The following TBC1D8 variants were observed in gnomAD, a reference collection of about 807,000 sequenced individuals.
TBC1D8 encodes the protein BUB2-like protein 1.
In TBC1D8, 65 loss-of-function variants were observed where a neutral mutation model predicts 118.8. That is an observed-to-expected ratio of 0.55 (90% confidence interval 0.45 to 0.67). The LOEUF (loss-of-function observed/expected upper bound fraction) is 0.67, where lower values mean the gene tolerates loss of function less well. Among genes scored for constraint, TBC1D8 ranks in the 30% least tolerant of loss-of-function variants. The probability of loss-of-function intolerance (pLI) is 0.00; values close to 1 mark genes in which losing one functional copy is unlikely to be tolerated. For missense variants in TBC1D8, 1,376 were observed against 1,471.2 expected, an observed-to-expected ratio of 0.94 and a Z score of 1.06; for synonymous variants, 566 against 595.8, an observed-to-expected ratio of 0.95 and a Z score of 0.73.
At chr2:101,115,968 A>C (rs568345576) in intron 1 of TBC1D8, among the ~76,000 whole-genome samples, 26 of 152,354 alleles carry the variant, frequency 1.7e-4, no homozygotes, top group Non-Finnish European at 2.9e-4. Flanking sequence ...GGATTCCAGG[A>C]GACCAGCAAC....
intron 19 of TBC1D8, among the ~76,000 whole-genome samples, chr2:101,008,746 A>G (rs948608698): frequency 3.3e-5 from 5 of 152,048 alleles, no homozygotes; most frequent in African/African-American, 9.6e-5. Flanking sequence ...CAGGAGGCAA[A>G]GGTTGTGGTA....
intron 15 of TBC1D8, 146 bp downstream of exon 15, chr2:101,027,237 G>T: frequency 1.6e-6 from 1 of 644,060 alleles, no homozygotes; most frequent in Non-Finnish European, 2.7e-6. Context: ...CAGGTAGGCA[G>T]GCTAAGACAG....
At chr2:101,129,121 G>A (rs1341799551) in intron 1 of TBC1D8, among the ~76,000 whole-genome samples, 1 of 152,084 alleles carries the variant, frequency 6.6e-6, no homozygotes, top group East Asian at 1.9e-4. Flanking sequence ...CACAGTTTTT[G>A]TGTGTGTGTT....
chr2:101,047,122 T>C (rs6543007), intron 5 of TBC1D8, among the ~76,000 whole-genome samples: 79,889 of 152,082 alleles, frequency 0.53, 22,058 homozygotes, highest in Middle Eastern at 0.75. Flanking sequence ...TCTGCCCTCT[T>C]GGACTCCGAG....
intron 16 of TBC1D8, 69 bp from the exon 17 acceptor site, chr2:101,021,815 CTG>C: frequency 9.8e-7 from 1 of 1,024,202 alleles, no homozygotes; most frequent in Non-Finnish European, 1.5e-6. Context: ...CACAAACTCA[CTG>C]TGGAGAGAAC....
intron 2 of TBC1D8, among the ~76,000 whole-genome samples, chr2:101,076,316 A>C (rs762979375): frequency 7.2e-5 from 11 of 152,226 alleles, no homozygotes; most frequent in Non-Finnish European, 1.3e-4. Context: ...ACGGAAAAAA[A>C]CCTTTGACGA....
Position 101,007,887 on chromosome 2 carries a change from C to CTGAT in TBC1D8, c.3398_3401dup (p.Tyr1135SerfsTer8), listed in dbSNP as rs1558961554. ...TCATTTCAAAAGTTTTGAGATTGTA[C>CTGAT]TGATTGATCTTGGCATTTTCAAGTT... On this transcript the variant is annotated frameshift_variant, in exon 20 of 20. Coordinates refer to ENST00000409318, the MANE Select transcript of TBC1D8 (RefSeq NM_001330348.2). LOFTEE classifies it high-confidence loss of function. The CTGAT allele has an allele frequency of 7.4e-6, 12 of 1,613,986 alleles. No homozygotes were observed. Among genetic ancestry groups the CTGAT allele is most frequent in the South Asian group, 3.3e-5 (3 of 91,080 alleles).
intron 1 of TBC1D8, among the ~76,000 whole-genome samples, chr2:101,139,638 A>C (rs1315769691): frequency 6.6e-6 from 1 of 152,032 alleles, no homozygotes; most frequent in Non-Finnish European, 1.5e-5. Context: ...GACAAGTCCC[A>C]GGTATCCCAC....
At chr2:101,097,076 G>C (rs1038186431) in intron 1 of TBC1D8, among the ~76,000 whole-genome samples, 1 of 152,038 alleles carries the variant, frequency 6.6e-6, no homozygotes, top group African/African-American at 2.4e-5. Context: ...TCTAAAAGAA[G>C]CCATAGGGGG....
intron 10 of TBC1D8, 95 bp downstream of exon 10, chr2:101,033,449 G>C: frequency 6.8e-7 from 1 of 1,470,994 alleles, no homozygotes; most frequent in South Asian, 1.2e-5. Context: ...ACAACACTCA[G>C]GACCAGATGA....
intron 1 of TBC1D8, among the ~76,000 whole-genome samples, chr2:101,093,036 G>A (rs1416067763): frequency 2.6e-5 from 4 of 152,140 alleles, no homozygotes; most frequent in Admixed American, 1.3e-4. Context: ...TCAACATGAA[G>A]ATGATGATGA....
intron 1 of TBC1D8, among the ~76,000 whole-genome samples, chr2:101,115,365 G>A (rs913528933): frequency 6.6e-6 from 1 of 152,194 alleles, no homozygotes; most frequent in Non-Finnish European, 1.5e-5. Flanking sequence ...ACTCATGGAC[G>A]TCTCTTTATT....
chr2:101,035,913 A>C (rs2105394191), intron 9 of TBC1D8, 105 bp downstream of exon 9: 2 of 1,308,870 alleles, frequency 1.5e-6, no homozygotes, highest in African/African-American at 2.9e-5. Context: ...ACTCAAAGAC[A>C]GAACCATTTC....
At chr2:101,044,502 A>C (rs562950993) in intron 5 of TBC1D8, among the ~76,000 whole-genome samples, 1 of 152,354 alleles carries the variant, frequency 6.6e-6, no homozygotes, top group Admixed American at 6.5e-5. Flanking sequence ...CCCGCTTCTC[A>C]GACTTTCCAG....
chr2:101,142,291 G>T (rs902235035), intron 1 of TBC1D8, among the ~76,000 whole-genome samples: 3 of 152,176 alleles, frequency 2.0e-5, no homozygotes, highest in Non-Finnish European at 4.4e-5. Flanking sequence ...CCAGTTCTCC[G>T]TCAGAAGAGA....
chr2:101,081,016 C>A (rs192900138), intron 2 of TBC1D8, among the ~76,000 whole-genome samples: 1 of 152,038 alleles, frequency 6.6e-6, no homozygotes, highest in Non-Finnish European at 1.5e-5. Flanking sequence ...CCTGAAGCAA[C>A]CCTCCCACCT....
In TBC1D8 at chr2:101,147,426, C is replaced by T. The variant is rs570508108; in HGVS notation, c.127+3701G>A. Among the ~76,000 whole-genome samples the T allele has an allele frequency of 8.5e-5, 13 of 152,316 alleles. No homozygotes were observed. In the South Asian group the frequency reaches 2.7e-3, roughly 32 times the overall value. ...CATAGTGGCAATATTAACTTACAAT[C>T]CTACCAAGTGTGAGTGTTCCCTTTT... On this transcript the variant is annotated intron_variant, in intron 1 of 19. Transcript: ENST00000409318.
At position 101,028,582 on chromosome 2, in the gene TBC1D8, G is replaced by A. The variant is rs1680489993; in HGVS notation, c.2223-150C>T. 6 of 1,180,860 alleles carry A rather than the reference G, an allele frequency of 5.1e-6. No individual in the cohort carries two copies. In the Admixed American group the frequency reaches 1.3e-4, roughly 26 times the overall value. The allele number at this position is 1,180,860 out of a possible 1,614,324, so 73.1% of individuals were successfully genotyped here. On this transcript the variant is annotated intron_variant, in intron 12 of 19. Transcript: ENST00000409318. ...CTGCAGCTGCTCGGCTTATTTTAGA[G>A]AAGCGAGAGGCAGTCATGAAGCCCG...
intron 19 of TBC1D8, among the ~76,000 whole-genome samples, chr2:101,008,795 G>A (rs1163302580): frequency 2.0e-5 from 3 of 148,746 alleles, no homozygotes; most frequent in African/African-American, 7.5e-5. Flanking sequence ...TGGGCAACAA[G>A]AGTAAAACTT....
Sources: gnomAD v4.1 joint callset for allele counts (sites outside exome capture counted in the v4.1 genomes callset) on GRCh38, gnomAD v4.1.1 for gene constraint, MANE v1.5 for transcripts, NCBI Gene and HGNC (gene_info 2026-07-23, HGNC 2026-07-21) for gene names.